RNF144A: variants seen among roughly 807,000 people sequenced by gnomAD.
The protein encoded by RNF144A is E3 ubiquitin-protein ligase RNF144A.
A neutral mutation model predicts 38.7 loss-of-function variants in RNF144A; 11 were observed. The observed-to-expected ratio is 0.28, with a 90% CI of 0.18 to 0.47. The LOEUF is 0.47. RNF144A is among the 20% of genes least tolerant of loss of function. RNF144A has a pLI of 0.99. For missense variants in RNF144A, 316 were observed against 377.2 expected, an observed-to-expected ratio of 0.84 and a Z score of 1.34; for synonymous variants, 149 against 143.9, an observed-to-expected ratio of 1.04 and a Z score of -0.25.
chr2:7,040,595 G>A lies in RNF144A; in HGVS notation c.*835G>A. 1.0e-6 allele frequency: 1 copy of A among 985,388 alleles called. No homozygotes were observed. Among genetic ancestry groups the A allele is most frequent in the Non-Finnish European group, 1.2e-6 (1 of 829,878 alleles). 61.0% of individuals were successfully genotyped at this position (985,388 alleles called of 1,614,324 possible). A position where few individuals can be genotyped will look rare whatever the true frequency, so the allele number is the denominator to read the frequency against. On this transcript the variant is annotated 3_prime_UTR_variant, in exon 9 of 9. Coordinates refer to ENST00000320892, the MANE Select transcript of RNF144A (RefSeq NM_014746.6). Reference sequence around the variant, plus strand: ...CTCATCCCTTCTCTCCCAGGTAGCAGAAAACGCTTTTTATTGTATTCAATC... The same window carrying A: ...CTCATCCCTTCTCTCCCAGGTAGCAAAAAACGCTTTTTATTGTATTCAATC...
intron 6 of RNF144A, among the ~76,000 whole-genome samples, chr2:7,066,666 T>C (rs920875221): frequency 6.6e-6 from 1 of 152,206 alleles, no homozygotes; most frequent in Non-Finnish European, 1.5e-5. Flanking sequence ...TTTAAGAAAC[T>C]AAGGTTGACT....
At chr2:7,046,393 A>T (rs1160640401), downstream of RNF144A, among the ~76,000 whole-genome samples, 1 of 152,254 alleles carries the variant, frequency 6.6e-6, no homozygotes, top group East Asian at 1.9e-4. Flanking sequence ...TGCTATAGCC[A>T]GGGAAGGCTG....
At chr2:7,012,133 T>C (rs949278613) in intron 3 of RNF144A, among the ~76,000 whole-genome samples, 9 of 152,230 alleles carry the variant, frequency 5.9e-5, no homozygotes, top group Admixed American at 3.9e-4. Context: ...TCCAGTATCC[T>C]CCAGAGACCC....
downstream of RNF144A, among the ~76,000 whole-genome samples, chr2:7,047,410 C>T (rs1032467963): frequency 6.6e-6 from 1 of 152,084 alleles, no homozygotes; most frequent in African/African-American, 2.4e-5. Flanking sequence ...GCGGGGGAGG[C>T]CTCAGAGTCA....
At position 7,040,177 on chromosome 2, in the gene RNF144A, G is replaced by C. The variant is rs528612407; in HGVS notation, c.*417G>C. 12 of 991,050 alleles carry C rather than the reference G, an allele frequency of 1.2e-5. No individual in the cohort carries two copies. Among genetic ancestry groups the C allele is most frequent in the South Asian group, 4.7e-5 (1 of 21,488 alleles). The allele number at this position is 991,050 out of a possible 1,614,324, so 61.4% of individuals were successfully genotyped here. On this transcript the variant is annotated 3_prime_UTR_variant, in exon 9 of 9. Coordinates refer to ENST00000320892, the MANE Select transcript of RNF144A (RefSeq NM_014746.6). ...CTTCAGACAGAATCTGATTATTCCAGCTTGAGAGAAGCACTCTGTTTATGA... is the reference window on the plus strand; with the variant it reads ...CTTCAGACAGAATCTGATTATTCCACCTTGAGAGAAGCACTCTGTTTATGA...
At position 7,003,281 on chromosome 2, in the gene RNF144A, T is replaced by TA. The variant is rs1185657567; in HGVS notation, c.135+6223dup. Among the ~76,000 whole-genome samples the TA allele has an allele frequency of 1.1e-4, 17 of 152,326 alleles. 1 individual carries two copies. The highest frequency in any genetic ancestry group is 4.1e-4 in the African/African-American group (17 of 41,580). On this transcript the variant is annotated intron_variant, in intron 3 of 8. Transcript: ENST00000320892. ...GTGTAGCTGAAGTATAGAGTGTTTA[T>TA]AAAGTCTGTAGCAGCAGTAATGGCT...
At chr2:6,992,460 C>A (rs924018126) in intron 2 of RNF144A, among the ~76,000 whole-genome samples, 16 of 152,132 alleles carry the variant, frequency 1.1e-4, no homozygotes, top group African/African-American at 2.9e-4. Context: ...CACACAGCAC[C>A]AGGACTGATG....
chr2:7,057,163 C>T (rs149780927), intron 6 of RNF144A, among the ~76,000 whole-genome samples: 78 of 152,350 alleles, frequency 5.1e-4, no homozygotes, highest in African/African-American at 1.8e-3. Context: ...CTGTGCCATA[C>T]AGACCTTTCT....
intron 2 of RNF144A, among the ~76,000 whole-genome samples, chr2:6,973,143 G>T (rs1248678072): frequency 6.6e-6 from 1 of 152,224 alleles, no homozygotes; most frequent in Non-Finnish European, 1.5e-5. Flanking sequence ...TTCAGATGGT[G>T]CCTTAGTAAC....
rs916492014 is a variant in RNF144A, at chr2:6,925,557, A to T, written c.-212+7935A>T. 3.9e-5 allele frequency among the ~76,000 whole-genome samples: 6 copies of T among 152,276 alleles called. No homozygotes were observed. The East Asian group carries it at 9.6e-4, about 24-fold the overall frequency. On this transcript the variant is annotated intron_variant, in intron 1 of 8. Coordinates refer to ENST00000320892, the MANE Select transcript of RNF144A (RefSeq NM_014746.6). ...AGAGTTCCCATTTATCCAAGGACAG[A>T]AGCAGGCAGGAACCTCAGGATCTGA...
chr2:6,924,214 A>G (rs550472598), intron 1 of RNF144A, among the ~76,000 whole-genome samples: 2 of 152,328 alleles, frequency 1.3e-5, no homozygotes, highest in East Asian at 3.9e-4. Flanking sequence ...GAATGCAGAG[A>G]GAGAATCCTG....
chr2:6,995,606 C>T (rs891414756), intron 2 of RNF144A, among the ~76,000 whole-genome samples: 2 of 152,066 alleles, frequency 1.3e-5, no homozygotes, highest in East Asian at 1.9e-4. Flanking sequence ...ACTTGGAGTC[C>T]GATGTTCGAG....
Position 6,962,475 on chromosome 2 carries a change from G to A in RNF144A, c.-12+21328G>A, listed in dbSNP as rs1572276786. On this transcript the variant is annotated intron_variant, in intron 2 of 8. Coordinates refer to ENST00000320892, the MANE Select transcript of RNF144A (RefSeq NM_014746.6). This position sits in a 1 kb window ranked among gnomAD's most constrained non-coding sequence, Gnocchi z 4.1. ...TGTTACAAGAGAAATGATTTTGGGA[G>A]GTTGCTTTTTGTTAGAAGGGAAGCT... Among the ~76,000 whole-genome samples the A allele has an allele frequency of 2.0e-5, 3 of 152,224 alleles. 1 individual carries two copies. The South Asian group carries it at 6.2e-4, about 32-fold the overall frequency.
chr2:6,977,984 C>G (rs148244626), intron 2 of RNF144A, among the ~76,000 whole-genome samples: 1 of 152,028 alleles, frequency 6.6e-6, no homozygotes, highest in Admixed American at 6.6e-5. Flanking sequence ...ATCTGGGAGA[C>G]GTCTTGTGAA....
At chr2:7,003,955 A>G (rs1257736962) in intron 3 of RNF144A, among the ~76,000 whole-genome samples, 2 of 152,262 alleles carry the variant, frequency 1.3e-5, no homozygotes, top group African/African-American at 2.4e-5. Flanking sequence ...CTGGAAAACC[A>G]TGAGTGTCGC....
chr2:6,988,517 A>G (rs940643626), intron 2 of RNF144A, among the ~76,000 whole-genome samples: 1 of 152,186 alleles, frequency 6.6e-6, no homozygotes, highest in African/African-American at 2.4e-5. Flanking sequence ...CTCTTCTCTT[A>G]AGAAGACAGG....
intron 1 of RNF144A, among the ~76,000 whole-genome samples, chr2:6,927,875 G>A (rs1161110633): frequency 6.6e-6 from 1 of 152,254 alleles, no homozygotes; most frequent in Non-Finnish European, 1.5e-5. Context: ...GCATCAGACT[G>A]AAGTGCTGAT....
intron 2 of RNF144A, among the ~76,000 whole-genome samples, chr2:6,975,488 C>T (rs192102378): frequency 2.0e-5 from 3 of 152,320 alleles, no homozygotes; most frequent in African/African-American, 7.2e-5. Context: ...TCTCCACTGC[C>T]CAGCCCTCCT....
At chr2:7,045,965 T>C (rs1244073271), downstream of RNF144A, among the ~76,000 whole-genome samples, 1 of 152,220 alleles carries the variant, frequency 6.6e-6, no homozygotes, top group East Asian at 1.9e-4. Flanking sequence ...TATTTCTGTG[T>C]CTACCTAGGT....
Sources: allele counts gnomAD v4.1 joint callset (sites outside exome capture counted in the v4.1 genomes callset), GRCh38; gene constraint gnomAD v4.1.1; non-coding constraint Gnocchi (gnomAD v3.1); transcripts MANE v1.5; gene names NCBI Gene and HGNC (gene_info 2026-07-23, HGNC 2026-07-21).